PRKCB: variants seen among roughly 807,000 people sequenced by gnomAD.
The protein encoded by PRKCB is protein kinase C beta type.
In PRKCB, 13 loss-of-function variants were observed where a neutral mutation model predicts 81.5. The observed-to-expected ratio is 0.16, with a 90% CI of 0.10 to 0.25. PRKCB has a LOEUF of 0.25. Ranked by LOEUF, PRKCB falls within the 10% of genes least tolerant of loss-of-function variation. The pLI is 1.00. For synonymous variants in PRKCB, 335 were observed against 321.4 expected (o/e 1.04, Z -0.45); for missense variants, 509 against 875.7 (o/e 0.58, Z 5.29).
intron 9 of PRKCB, among the ~76,000 whole-genome samples, chr16:24,147,830 C>A (rs980787988): frequency 6.6e-6 from 1 of 152,088 alleles, no homozygotes; most frequent in East Asian, 1.9e-4. Flanking sequence ...TTCCACCTTA[C>A]GTATTTACTG....
chr16:24,047,266 C>G (rs190965481), intron 5 of PRKCB, among the ~76,000 whole-genome samples: 233 of 152,112 alleles, frequency 1.5e-3, no homozygotes, highest in African/African-American at 5.1e-3. Flanking sequence ...CGCTTGAACC[C>G]GGGAGGCAGA....
intron 15 of PRKCB, among the ~76,000 whole-genome samples, chr16:24,185,877 A>C (rs1035147046): frequency 1.3e-5 from 2 of 152,244 alleles, no homozygotes; most frequent in African/African-American, 2.4e-5. Context: ...AGATTTTGTC[A>C]AAGAGCTGGA....
chr16:24,076,849 GA>G (rs544403569), intron 5 of PRKCB, among the ~76,000 whole-genome samples: 56 of 152,222 alleles, frequency 3.7e-4, no homozygotes, highest in African/African-American at 1.3e-3. Flanking sequence ...GGCTGTGCCG[GA>G]ACTCTGTCTA....
At chr16:24,190,540 A>C (rs1357433320) in intron 15 of PRKCB, among the ~76,000 whole-genome samples, 1 of 122,660 alleles carries the variant, frequency 8.2e-6, no homozygotes, top group East Asian at 2.4e-4. Flanking sequence ...TTTTTTTGAG[A>C]TGGAGTCTCT....
chr16:23,860,551 G>T (rs1962648539), intron 2 of PRKCB, among the ~76,000 whole-genome samples: 1 of 152,120 alleles, frequency 6.6e-6, no homozygotes, highest in South Asian at 2.1e-4. Context: ...TTTTAATGAT[G>T]TAAGGTATTC....
intron 2 of PRKCB, among the ~76,000 whole-genome samples, chr16:23,944,186 G>A (rs141538821): frequency 3.5e-4 from 53 of 152,256 alleles, no homozygotes; most frequent in East Asian, 1.4e-3. Flanking sequence ...TAGTAGATCC[G>A]TAAGATGTGA....
At chr16:24,004,499 GAAAAAA>G (rs1965089572) in intron 3 of PRKCB, among the ~76,000 whole-genome samples, 1 of 131,530 alleles carries the variant, frequency 7.6e-6, no homozygotes, top group African/African-American at 2.9e-5. Flanking sequence ...AAAAAAAAAA[GAAAAAA>G]TTAGCCAGGC....
chr16:23,924,004 C>T (rs932332990), intron 2 of PRKCB, among the ~76,000 whole-genome samples: 1 of 152,108 alleles, frequency 6.6e-6, no homozygotes, highest in African/African-American at 2.4e-5. Flanking sequence ...AAGCAAGTCA[C>T]ATTGTGATAT....
rs573500054 is a variant in PRKCB at position 23,967,088 on chromosome 16, C to T, written c.206-21420C>T. Among the ~76,000 whole-genome samples the T allele has an allele frequency of 4.6e-5, 7 of 151,996 alleles. No homozygotes were observed. The South Asian group carries it at 1.5e-3, about 32-fold the overall frequency. On this transcript the variant is annotated intron_variant, in intron 2 of 16. Coordinates refer to ENST00000643927, the MANE Select transcript of PRKCB (RefSeq NM_002738.7). ...TTGCAGCCCCTGCCTTAAGACACTCCTCTAATTGCTCTGGGAGGAGGCCTG... is the reference window on the plus strand; with the variant it reads ...TTGCAGCCCCTGCCTTAAGACACTCTTCTAATTGCTCTGGGAGGAGGCCTG...
chr16:24,068,095 T>A (rs1196202106), intron 5 of PRKCB, among the ~76,000 whole-genome samples: 2 of 152,174 alleles, frequency 1.3e-5, no homozygotes, highest in Non-Finnish European at 2.9e-5. Flanking sequence ...TTTCCACTCC[T>A]ATGGTGTAGA....
At chr16:24,004,657 A>T (rs563864881) in intron 3 of PRKCB, among the ~76,000 whole-genome samples, 1 of 152,268 alleles carries the variant, frequency 6.6e-6, no homozygotes, top group Non-Finnish European at 1.5e-5. Flanking sequence ...TCTGTCTCAA[A>T]TAAACAAAAC....
At chr16:24,169,354 G>C (rs1288135048) in intron 10 of PRKCB, among the ~76,000 whole-genome samples, 2 of 152,070 alleles carry the variant, frequency 1.3e-5, no homozygotes, top group Non-Finnish European at 2.9e-5. Context: ...CTGGATTTGT[G>C]GAACGTTCAG....
At chr16:24,213,732 C>T (rs146895188) in intron 16 of PRKCB, among the ~76,000 whole-genome samples, 16 of 152,314 alleles carry the variant, frequency 1.1e-4, no homozygotes, top group Admixed American at 6.5e-4. Flanking sequence ...CCCAAATTAG[C>T]GGTTTGCCCC....
rs946796407 is a variant in PRKCB, at chr16:24,214,566, C to T, written c.1864-92C>T. 1.1e-5 allele frequency: 11 copies of T among 1,021,378 alleles called. No homozygotes were observed. In the Admixed American group the frequency reaches 2.6e-4, roughly 24 times the overall value. 63.3% of individuals were successfully genotyped at this position (1,021,378 alleles called of 1,614,324 possible). Reference sequence around the variant, plus strand: ...TGAAAGGGAAGGGAATGGAGAAAAGCACACCCAATTATGCTAGGTTCTGTT... The same window carrying T: ...TGAAAGGGAAGGGAATGGAGAAAAGTACACCCAATTATGCTAGGTTCTGTT... On this transcript the variant is annotated intron_variant, in intron 16 of 16. Transcript: ENST00000643927.
At chr16:23,921,727 A>T (rs1478218188) in intron 2 of PRKCB, among the ~76,000 whole-genome samples, 1 of 152,084 alleles carries the variant, frequency 6.6e-6, no homozygotes, top group African/African-American at 2.4e-5. Context: ...CTTGAATCTG[A>T]GAGGCAGAGG....
chr16:24,050,377 G>A (rs1351322058), intron 5 of PRKCB, among the ~76,000 whole-genome samples: 3 of 152,098 alleles, frequency 2.0e-5, no homozygotes, highest in Non-Finnish European at 4.4e-5. Flanking sequence ...ATCCACCTGT[G>A]TTGCCGAGGA....
intron 5 of PRKCB, among the ~76,000 whole-genome samples, chr16:24,036,778 A>G (rs2141858567): frequency 6.6e-6 from 1 of 152,264 alleles, no homozygotes; most frequent in Non-Finnish European, 1.5e-5. Context: ...CCGCAGTTTC[A>G]GGTTCAAGGG....
chr16:23,890,141 A>C (rs1464244484), intron 2 of PRKCB, among the ~76,000 whole-genome samples: 3 of 152,236 alleles, frequency 2.0e-5, no homozygotes, highest in Non-Finnish European at 4.4e-5. Flanking sequence ...TGAACACTGC[A>C]TTCCACAGCT....
rs1264796087 is a variant in PRKCB, at chr16:24,218,068, C to G, written c.*3252C>G. On this transcript the variant is annotated 3_prime_UTR_variant, in exon 17 of 17. Transcript: ENST00000643927. ...CAAACAACCTACTGTGTGCCAGGCA[C>G]TATTCTTAGCACTGGAAATACACTA... 1 of 985,138 alleles carries G rather than the reference C, an allele frequency of 1.0e-6. No homozygotes were observed. The highest frequency in any genetic ancestry group is 1.1e-4 in the East Asian group (1 of 8,810). The allele number at this position is 985,138 out of a possible 1,614,324, so 61.0% of individuals were successfully genotyped here.
Sources: allele counts gnomAD v4.1 joint callset (sites outside exome capture counted in the v4.1 genomes callset), GRCh38; gene constraint gnomAD v4.1.1; transcripts MANE v1.5; gene names NCBI Gene and HGNC (gene_info 2026-07-23, HGNC 2026-07-21).